STAMBPL1: variants seen among roughly 807,000 people sequenced by gnomAD.
STAMBPL1 encodes the protein STAM binding protein like 1, also known as AMSH-like protease.
Under a neutral mutation model 52.9 loss-of-function variants are expected in STAMBPL1, and 44 were observed. The observed-to-expected ratio is 0.83, with a 90% CI of 0.65 to 1.07. The LOEUF is 1.07. Among genes scored for constraint, STAMBPL1 ranks in the 50% least tolerant of loss-of-function variants. The pLI, the probability that STAMBPL1 is intolerant of heterozygous loss-of-function variation, is 0.00. For missense variants in STAMBPL1, 511 were observed against 520.8 expected, an observed-to-expected ratio of 0.98 and a Z score of 0.18; for synonymous variants, 164 against 177.3, an observed-to-expected ratio of 0.92 and a Z score of 0.60.
chr10:88,916,497 C>T (rs1022096586), intron 7 of STAMBPL1, among the ~76,000 whole-genome samples, 183 bp from the exon 8 acceptor site: 1 of 144,444 alleles, frequency 6.9e-6, no homozygotes, highest in African/African-American at 2.5e-5. Flanking sequence ...ACTGTTGGGA[C>T]TTTGTTTTTG....
rs113703266 is a variant in STAMBPL1, at chr10:88,896,311, A to G, written c.-53-5345A>G. ...CAAAAGGGACATGAAGGGTGGGCCT[A>G]GATTTATTTATTTTTCCTGAAGTAG... On this transcript the variant is annotated intron_variant, in intron 1 of 10. Coordinates refer to ENST00000371926, the MANE Select transcript of STAMBPL1 (RefSeq NM_020799.4). 6.4e-3 allele frequency among the ~76,000 whole-genome samples: 978 copies of G among 152,274 alleles called. 11 individuals are homozygous for G. The highest frequency in any genetic ancestry group is 0.022 in the African/African-American group (929 of 41,558).
At chr10:88,910,162 A>G (rs1322503908) in intron 4 of STAMBPL1, among the ~76,000 whole-genome samples, 1 of 152,194 alleles carries the variant, frequency 6.6e-6, no homozygotes, top group Non-Finnish European at 1.5e-5. Context: ...ACATAAATGA[A>G]TGACAAAGGA....
intron 4 of STAMBPL1, 143 bp from the exon 5 acceptor site, chr10:88,910,773 G>T: frequency 1.9e-6 from 1 of 526,238 alleles, no homozygotes; most frequent in Non-Finnish European, 3.3e-6. Context: ...CCATAAAAAA[G>T]AGATTTATTT....
intron 1 of STAMBPL1, among the ~76,000 whole-genome samples, chr10:88,892,891 T>A (rs1056739862): frequency 2.0e-5 from 3 of 152,246 alleles, no homozygotes; most frequent in African/African-American, 7.2e-5. Flanking sequence ...TAACTACATT[T>A]CTGAGCTTTC....
chr10:88,905,254 A>G (rs1244040119), intron 2 of STAMBPL1, among the ~76,000 whole-genome samples, 189 bp from the exon 3 acceptor site: 1 of 152,202 alleles, frequency 6.6e-6, no homozygotes, highest in Non-Finnish European at 1.5e-5. Context: ...TGTATAAACC[A>G]TGTATTTTTG....
intron 1 of STAMBPL1, among the ~76,000 whole-genome samples, chr10:88,889,435 C>T (rs1465487796): frequency 6.6e-6 from 1 of 152,022 alleles, no homozygotes; most frequent in Non-Finnish European, 1.5e-5. Context: ...TTTCTTGTGA[C>T]TTAACTGTTT....
chr10:88,911,231 A>T (rs527348512), intron 5 of STAMBPL1, among the ~76,000 whole-genome samples: 1 of 152,332 alleles, frequency 6.6e-6, no homozygotes, highest in South Asian at 2.1e-4. Context: ...TAACAAAGCA[A>T]TGTGTTAGAA....
Position 88,917,967 on chromosome 10 carries a change from T to G in STAMBPL1, c.1041+1150T>G, listed in dbSNP as rs377113690. On this transcript the variant is annotated intron_variant, in intron 8 of 10. Transcript: ENST00000371926. ...GGAAGGCAGAAGGGCAAGAGAGCAC[T>G]CCCTTCAACCTTGAGCCCTTTCACA... 1.9e-4 allele frequency among the ~76,000 whole-genome samples: 29 copies of G among 152,196 alleles called. No individual in the cohort carries two copies. In the South Asian group the frequency reaches 6.0e-3, roughly 32 times the overall value.
chr10:88,921,334 T>C lies in STAMBPL1; in HGVS notation c.1093T>C (p.Cys365Arg). The C allele has an allele frequency of 6.2e-7, 1 of 1,613,438 alleles. No homozygotes were observed. Among genetic ancestry groups the C allele is most frequent in the Non-Finnish European group, 8.5e-7 (1 of 1,179,524 alleles). Residue 365 changes from cysteine (C) to arginine (R), a missense_variant, in exon 9 of 11, where the codon TGT becomes CGT. Physicochemically the swap from Cys to Arg is radical, Grantham distance 180. This residue lies in a region of STAMBPL1 where 137 missense variants were observed against 139.9 expected (regional missense o/e 0.98). Coordinates refer to ENST00000371926, the MANE Select transcript of STAMBPL1 (RefSeq NM_020799.4). ...FLSSVDLHTH[C>R]SYQLMLPEAI... ...ATCCAGCGTTGATCTTCACACTCAC[T>C]GTTCCTATCAACTCATGTTGCCAGA... is the stretch of plus-strand genomic sequence containing the variant.
At chr10:88,919,130 A>T (rs1845442404) in intron 8 of STAMBPL1, among the ~76,000 whole-genome samples, 1 of 152,274 alleles carries the variant, frequency 6.6e-6, no homozygotes, top group African/African-American at 2.4e-5. Flanking sequence ...GGTCTGAAAC[A>T]TAGTCAGACA....
At chr10:88,908,343 T>C (rs1845128592) in intron 3 of STAMBPL1, among the ~76,000 whole-genome samples, 1 of 152,216 alleles carries the variant, frequency 6.6e-6, no homozygotes, top group South Asian at 2.1e-4. Context: ...CATCACTCTT[T>C]CCATGCTCTG....
chr10:88,888,089 A>T (rs1452599220), intron 1 of STAMBPL1, among the ~76,000 whole-genome samples: 3 of 152,198 alleles, frequency 2.0e-5, no homozygotes, highest in Non-Finnish European at 4.4e-5. Flanking sequence ...GGGTGGAATC[A>T]GGAAACCACA....
chr10:88,881,733 C>A (rs544527252), intron 1 of STAMBPL1, among the ~76,000 whole-genome samples: 1 of 152,158 alleles, frequency 6.6e-6, no homozygotes, highest in Non-Finnish European at 1.5e-5. Context: ...AGAAATTAAG[C>A]CACCGTGTTT....
At chr10:88,886,434 A>G (rs1844534874) in intron 1 of STAMBPL1, among the ~76,000 whole-genome samples, 1 of 152,208 alleles carries the variant, frequency 6.6e-6, no homozygotes, top group African/African-American at 2.4e-5. Flanking sequence ...TTATTTGGCA[A>G]AAGTTCAATT....
chr10:88,899,620 C>T (rs938323049), intron 1 of STAMBPL1, among the ~76,000 whole-genome samples: 1 of 152,178 alleles, frequency 6.6e-6, no homozygotes, highest in African/African-American at 2.4e-5. Context: ...AGCAATTCTC[C>T]TGCCTCAGCC....
In STAMBPL1 at chr10:88,916,774, A is replaced by G; in HGVS notation, c.998A>G (p.Asn333Ser). ...ATGGAGAATGTAGAGGAATTATTCA[A>G]TGTTCAGGATCAACATGATCTCCTC... ...CDMENVEELF[N>S]VQDQHDLLTL... is the part of the protein sequence containing the mutation. The change falls in exon 8 of 11, where the codon AAT becomes AGT. Residue 333 changes from asparagine to serine, a missense_variant. Coordinates refer to ENST00000371926, the MANE Select transcript of STAMBPL1 (RefSeq NM_020799.4). The G allele has an allele frequency of 2.5e-6, 4 of 1,609,822 alleles. No homozygotes were observed. Among genetic ancestry groups the G allele is most frequent in the Non-Finnish European group, 3.4e-6 (4 of 1,178,122 alleles).
At chr10:88,888,403 C>A (rs148520433) in intron 1 of STAMBPL1, among the ~76,000 whole-genome samples, 159 of 152,268 alleles carry the variant, frequency 1.0e-3, no homozygotes, top group African/African-American at 3.5e-3. Flanking sequence ...GATCAAGGAA[C>A]AGGTGGGTGA....
At chr10:88,901,850 G>A in intron 2 of STAMBPL1, 112 bp downstream of exon 2, 1 of 1,032,506 alleles carries the variant, frequency 9.7e-7, no homozygotes, top group South Asian at 1.5e-5. Context: ...AGCACTTGTA[G>A]TTTTTCATCC....
At chr10:88,881,768 A>G (rs1554835278) in intron 1 of STAMBPL1, among the ~76,000 whole-genome samples, 2 of 152,194 alleles carry the variant, frequency 1.3e-5, no homozygotes, top group East Asian at 1.9e-4. Context: ...CCTTGTTTCC[A>G]TTGGAAATTT....
Sources: allele counts gnomAD v4.1 joint callset (sites outside exome capture counted in the v4.1 genomes callset), GRCh38; gene constraint gnomAD v4.1.1; regional missense constraint gnomAD v4.1.1; transcripts MANE v1.5; gene names NCBI Gene and HGNC (gene_info 2026-07-23, HGNC 2026-07-21).